PGLYRP3: variants seen among roughly 807,000 people sequenced by gnomAD.
PGLYRP3 encodes the protein peptidoglycan recognition protein 3.
PGLYRP3 carries 39 observed loss-of-function variants against 36.0 expected under a neutral mutation model. That is an observed-to-expected ratio of 1.08 (90% CI 0.84 to 1.41). The LOEUF (loss-of-function observed/expected upper bound fraction) is 1.41, where lower values mean the gene tolerates loss of function less well. Ranked by LOEUF, PGLYRP3 falls within the 40% of genes most tolerant of loss-of-function variation. PGLYRP3 has a pLI of 0.00. For synonymous variants in PGLYRP3, 204 were observed against 172.8 expected (o/e 1.18, Z -1.42); for missense variants, 407 against 427.9 (o/e 0.95, Z 0.43).
chr1:153,302,748 T>C, intron 5 of PGLYRP3, 141 bp from the exon 6 acceptor site: 2 of 815,388 alleles, frequency 2.5e-6, no homozygotes, highest in Admixed American at 2.6e-5. Context: ...ATATCAGCTT[T>C]GGGATTCTGG....
intron 3 of PGLYRP3, among the ~76,000 whole-genome samples, chr1:153,305,556 T>C (rs1461608839): frequency 6.6e-6 from 1 of 152,222 alleles, no homozygotes; most frequent in East Asian, 1.9e-4. Context: ...CTTTTTCACA[T>C]TTACTTTTTA....
intron 5 of PGLYRP3, 81 bp downstream of exon 5, chr1:153,303,776 G>C: frequency 1.3e-6 from 2 of 1,486,420 alleles, no homozygotes; most frequent in Non-Finnish European, 1.8e-6. Flanking sequence ...GGGTCTAACA[G>C]GAAAAAGCAC....
At chr1:153,304,648 A>T (rs1294497657) in intron 4 of PGLYRP3, among the ~76,000 whole-genome samples, 2 of 152,224 alleles carry the variant, frequency 1.3e-5, no homozygotes, top group Non-Finnish European at 2.9e-5. Flanking sequence ...TGCCTCTGGC[A>T]GTCACAGCAT....
chr1:153,300,050 C>T (rs1659546198), intron 6 of PGLYRP3, among the ~76,000 whole-genome samples: 1 of 152,150 alleles, frequency 6.6e-6, no homozygotes, highest in Admixed American at 6.5e-5. Flanking sequence ...GCATGACCTC[C>T]CAAATAGTCT....
chr1:153,298,636 C>T (rs1218856105), intron 7 of PGLYRP3, among the ~76,000 whole-genome samples: 1 of 152,084 alleles, frequency 6.6e-6, no homozygotes, highest in Non-Finnish European at 1.5e-5. Flanking sequence ...GAGCGAGACT[C>T]CATCTCAAAA....
At chr1:153,305,383 A>G (rs1377472464) in intron 3 of PGLYRP3, among the ~76,000 whole-genome samples, 1 of 152,222 alleles carries the variant, frequency 6.6e-6, no homozygotes, top group Non-Finnish European at 1.5e-5. Flanking sequence ...GAGCTTAAAA[A>G]TTACTACATC....
chr1:153,306,677 C>T (rs894875361), intron 3 of PGLYRP3, among the ~76,000 whole-genome samples: 5 of 152,280 alleles, frequency 3.3e-5, no homozygotes, highest in African/African-American at 4.8e-5. Context: ...ATGGCTTTCC[C>T]GCCTGTGAAA....
chr1:153,300,052 A>C (rs920033915), intron 6 of PGLYRP3, among the ~76,000 whole-genome samples: 5 of 152,144 alleles, frequency 3.3e-5, no homozygotes, highest in Non-Finnish European at 7.4e-5. Context: ...ATGACCTCCC[A>C]AATAGTCTGC....
chr1:153,303,733 G>C (rs1264724502), intron 5 of PGLYRP3, 124 bp downstream of exon 5: 1 of 1,139,818 alleles, frequency 8.8e-7, no homozygotes, highest in African/African-American at 1.5e-5. Context: ...TCTCAAAGTA[G>C]GCATGAGATG....
intron 4 of PGLYRP3, 81 bp from the exon 5 acceptor site, chr1:153,304,090 A>T: frequency 1.5e-6 from 2 of 1,350,716 alleles, no homozygotes; most frequent in Non-Finnish European, 2.1e-6. Flanking sequence ...GGATGATATG[A>T]CCACTTGAGC....
intron 6 of PGLYRP3, among the ~76,000 whole-genome samples, chr1:153,300,919 G>T (rs770234012): frequency 6.6e-6 from 1 of 152,076 alleles, no homozygotes; most frequent in Non-Finnish European, 1.5e-5. Context: ...TCTTGCTTTT[G>T]TTTTTGTCTT....
chr1:153,304,318 A>G (rs533553881), intron 4 of PGLYRP3, among the ~76,000 whole-genome samples: 39 of 152,332 alleles, frequency 2.6e-4, no homozygotes, highest in African/African-American at 8.7e-4. Flanking sequence ...GGTGTGCACT[A>G]GCACAGGAGA....
At chr1:153,307,002 G>C in intron 3 of PGLYRP3, 64 bp downstream of exon 3, 1 of 1,491,898 alleles carries the variant, frequency 6.7e-7, no homozygotes, top group South Asian at 1.2e-5. Flanking sequence ...CCACAGAGAA[G>C]GGGAAGTGGG....
At position 153,297,908 on chromosome 1, in the gene PGLYRP3, A is replaced by G. The variant is rs879890564; in HGVS notation, c.*48T>C. On this transcript the variant is annotated 3_prime_UTR_variant, in exon 8 of 8. Coordinates refer to ENST00000683862, the MANE Select transcript of PGLYRP3 (RefSeq NM_052891.3). ...CCACCTTGGCTGGTGAGGGTTGGAG[A>G]GACCCAGCAGGGGAGGGAGGGCAGT... 3.1e-6 allele frequency: 5 copies of G among 1,594,808 alleles called. No homozygotes were observed. The highest frequency in any genetic ancestry group is 4.3e-6 in the Non-Finnish European group (5 of 1,168,006).
chr1:153,309,104 G>A (rs1023124014), intron 2 of PGLYRP3, among the ~76,000 whole-genome samples: 1 of 152,198 alleles, frequency 6.6e-6, no homozygotes, highest in African/African-American at 2.4e-5. Context: ...ATGTTTTACT[G>A]TGGATTAGCC....
chr1:153,310,255 T>A (rs1214919248), intron 2 of PGLYRP3, among the ~76,000 whole-genome samples: 1 of 152,202 alleles, frequency 6.6e-6, no homozygotes, highest in Non-Finnish European at 1.5e-5. Flanking sequence ...ATGGTGACAA[T>A]AATTAAATCA....
At chr1:153,305,763 C>A (rs1178693708) in intron 3 of PGLYRP3, among the ~76,000 whole-genome samples, 1 of 152,198 alleles carries the variant, frequency 6.6e-6, no homozygotes, top group Non-Finnish European at 1.5e-5. Context: ...CTGAGTCAGG[C>A]CGACTTTCCA....
In PGLYRP3 at chr1:153,304,941, C is replaced by A. The variant is rs778573738; in HGVS notation, c.376+6G>T. ...CAGCACAGGGTCCGCAGGGAGTGAC[C>A]CTTACCTATCTTATTGCCAAAGAAG... On this transcript the variant is annotated splice_donor_region_variant and intron_variant, in intron 4 of 7. Transcript: ENST00000683862. 6 of 1,610,498 alleles carry A rather than the reference C, an allele frequency of 3.7e-6. No homozygotes were observed. Among genetic ancestry groups the A allele is most frequent in the African/African-American group, 2.7e-5 (2 of 74,862 alleles).
At position 153,297,550 on chromosome 1, in the gene PGLYRP3, G is replaced by GGAAA. The variant is rs781111334; in HGVS notation, c.*402_*405dup. ...AGGAAGGAAGGAAGGAAGGAAGGAA[G>GGAAA]GAAAGAAAGAAAAAGAAAGAAAGAA... On this transcript the variant is annotated 3_prime_UTR_variant, in exon 8 of 8. Transcript: ENST00000683862. Among the ~76,000 whole-genome samples the GGAAA allele has an allele frequency of 3.3e-5, 3 of 91,018 alleles. No individual in the cohort carries two copies. The highest frequency in any genetic ancestry group is 2.4e-5 in the Non-Finnish European group (1 of 41,900). 59.7% of individuals were successfully genotyped at this position (91,018 alleles called of 152,430 possible). A position where few individuals can be genotyped will look rare whatever the true frequency, so the allele number is the denominator to read the frequency against.
Sources: gnomAD v4.1 joint callset for allele counts (sites outside exome capture counted in the v4.1 genomes callset) on GRCh38, gnomAD v4.1.1 for gene constraint, MANE v1.5 for transcripts, NCBI Gene and HGNC (gene_info 2026-07-23, HGNC 2026-07-21) for gene names.